FPR1: variants seen among roughly 807,000 people sequenced by gnomAD.
FPR1 encodes N-formyl peptide receptor 1.
For synonymous variants in FPR1, 193 were observed against 176.7 expected, an observed-to-expected ratio of 1.09 and a Z score of -0.73; for missense variants, 407 against 453.0, an observed-to-expected ratio of 0.90 and a Z score of 0.92.
rs770689978 is a variant in FPR1, at chr19:51,745,919, G to GA, written c.*22dup. 46 of 1,586,970 alleles carry GA rather than the reference G, an allele frequency of 2.9e-5. No homozygotes were observed. The highest frequency in any genetic ancestry group is 4.0e-5 in the Non-Finnish European group (46 of 1,158,624). On this transcript the variant is annotated 3_prime_UTR_variant, in exon 2 of 2. Coordinates refer to ENST00000304748, the MANE Select transcript of FPR1 (RefSeq NM_002029.4). ...GAGACGAAGCTGGAGCTGGGAGCTC[G>GA]AAAGTGTCCCCCAGCTCCCTCCTCA...
At chr19:51,747,074 C>A in intron 1 of FPR1, 69 bp from the exon 2 acceptor site, 1 of 1,184,976 alleles carries the variant, frequency 8.4e-7, no homozygotes, top group East Asian at 2.6e-5. Flanking sequence ...CCCCTCATTT[C>A]TGCCCCTGCC....
At position 51,745,780 on chromosome 19, in the gene FPR1, A is replaced by G. The variant is rs185187479; in HGVS notation, c.*162T>C. 40 of 636,446 alleles carry G rather than the reference A, an allele frequency of 6.3e-5. No individual in the cohort carries two copies. In the Middle Eastern group the frequency reaches 1.3e-3, roughly 21 times the overall value. The allele number at this position is 636,446 out of a possible 1,614,324, so 39.4% of individuals were successfully genotyped here. A position where few individuals can be genotyped will look rare whatever the true frequency, so the allele number is the denominator to read the frequency against. ...CAAAAAAGAAGTCAATAATAAACTCATATCTGTTTATTCTCCCCAAATCAG... is the reference window on the plus strand; with the variant it reads ...CAAAAAAGAAGTCAATAATAAACTCGTATCTGTTTATTCTCCCCAAATCAG... On this transcript the variant is annotated 3_prime_UTR_variant, in exon 2 of 2. Coordinates refer to ENST00000304748, the MANE Select transcript of FPR1 (RefSeq NM_002029.4).
rs768642242 is a variant in FPR1 at position 51,746,698 on chromosome 19, T to A, written c.297A>T (p.Lys99Asn). ...GHWPFGWFLCKFVFTIVDINL... is the reference protein window; with the variant it reads ...GHWPFGWFLCNFVFTIVDINL... ...TGATGTCCACTATGGTAAAGACGAATTTGCACAGGAACCAGCCGAAAGGCC... is the reference window on the plus strand; with the variant it reads ...TGATGTCCACTATGGTAAAGACGAAATTGCACAGGAACCAGCCGAAAGGCC... Residue 99 changes from lysine (K) to asparagine (N), a missense_variant, in exon 2 of 2, where the codon AAA (lysine) becomes AAT (asparagine). By Grantham distance (94) the Lys-to-Asn change is moderately conservative (BLOSUM62 0). Coordinates refer to ENST00000304748, the MANE Select transcript of FPR1 (RefSeq NM_002029.4). This position sits in a 1 kb window ranked among gnomAD's most constrained non-coding sequence, Gnocchi z 4.3. 6.2e-7 allele frequency: 1 copy of A among 1,614,038 alleles called. No individual in the cohort carries two copies. The highest frequency in any genetic ancestry group is 8.5e-7 in the Non-Finnish European group (1 of 1,180,010).
In FPR1 at chr19:51,746,990, T is replaced by C; in HGVS notation, c.5A>G (p.Glu2Gly). 1 of 1,608,370 alleles carries C rather than the reference T, an allele frequency of 6.2e-7. No homozygotes were observed. The highest frequency in any genetic ancestry group is 8.5e-7 in the Non-Finnish European group (1 of 1,175,916). M[E>G]TNSSLPTNIS... The stretch of plus-strand genomic sequence containing the variant: ...GTTCGTGGGGAGAGAGGAATTTGTC[T>C]CCATCTTGTCTGCTCCTGAAATAGT... The change falls in exon 2 of 2, where the codon GAG becomes GGG. Residue 2 changes from glutamate (E) to glycine (G), a missense_variant. By Grantham distance (98) the Glu-to-Gly change is moderately conservative (BLOSUM62 -2). Transcript: ENST00000304748. The surrounding 1 kb of genome is among the most constrained non-coding windows in gnomAD (Gnocchi z 4.3).
intron 1 of FPR1, among the ~76,000 whole-genome samples, chr19:51,748,052 G>C (rs1244723524): frequency 6.6e-6 from 1 of 152,144 alleles, no homozygotes; most frequent in Non-Finnish European, 1.5e-5. Context: ...ACTCAGAAGG[G>C]TGAGATGGGA....
At chr19:51,748,938 C>A (rs936656527) in intron 1 of FPR1, among the ~76,000 whole-genome samples, 1 of 152,116 alleles carries the variant, frequency 6.6e-6, no homozygotes, top group African/African-American at 2.4e-5. Context: ...ACTTCTCAGC[C>A]AGGCGCAGTG....
intron 1 of FPR1, among the ~76,000 whole-genome samples, chr19:51,748,002 A>T (rs1752774972): frequency 6.6e-6 from 1 of 152,038 alleles, no homozygotes; most frequent in African/African-American, 2.4e-5. Context: ...AATTAAATTA[A>T]ATTAGCTGGA....
intron 1 of FPR1, among the ~76,000 whole-genome samples, chr19:51,747,507 C>T (rs1240296834): frequency 2.0e-5 from 3 of 152,106 alleles, no homozygotes; most frequent in Middle Eastern, 3.2e-3. Flanking sequence ...CGTGAGCTAC[C>T]ACGTGTGGCC....
At position 51,751,833 on chromosome 19, in the gene FPR1, T is replaced by C. The variant is rs2083783101; in HGVS notation, c.-31A>G. On this transcript the variant is annotated 5_prime_UTR_variant, in exon 1 of 2. Coordinates refer to ENST00000304748, the MANE Select transcript of FPR1 (RefSeq NM_002029.4). ...TCTTACCTGGACTGTTCACCAGCTG[T>C]GGTCTTGCTCTGGGTAGTTCTAGGT... is the stretch of plus-strand genomic sequence containing the variant. The C allele has an allele frequency of 6.6e-6, 1 of 152,330 alleles. No individual in the cohort carries two copies. Among genetic ancestry groups the C allele is most frequent in the African/African-American group, 2.4e-5 (1 of 41,466 alleles). The allele number at this position is 152,330 out of a possible 1,614,324, so 9.4% of individuals were successfully genotyped here. A position where few individuals can be genotyped will look rare whatever the true frequency, so the allele number is the denominator to read the frequency against.
chr19:51,745,973 G>C lies in FPR1; in HGVS notation c.1022C>G (p.Pro341Arg). 1 of 1,613,506 alleles carries C rather than the reference G, an allele frequency of 6.2e-7. No individual in the cohort carries two copies. Among genetic ancestry groups the C allele is most frequent in the Non-Finnish European group, 8.5e-7 (1 of 1,179,456 alleles). ...TSDTATNSTL[P>R]SAEVELQAK is the part of the protein sequence containing the mutation. ...TGCCTGTAACTCCACCTCTGCAGAA[G>C]GTAAAGTAGAATTGGTAGCTGTGTC... The change falls in exon 2 of 2, where the codon CCT becomes CGT. Residue 341 changes from proline (P) to arginine (R), a missense_variant. By Grantham distance (103) the Pro-to-Arg change is moderately radical. Coordinates refer to ENST00000304748, the MANE Select transcript of FPR1 (RefSeq NM_002029.4).
Position 51,746,112 on chromosome 19 carries a change from A to G in FPR1, c.883T>C (p.Cys295Arg), listed in dbSNP as rs756329691. 6.2e-7 allele frequency: 1 copy of G among 1,614,218 alleles called. No individual in the cohort carries two copies. Among genetic ancestry groups the G allele is most frequent in the South Asian group, 1.1e-5 (1 of 91,088 alleles). Residue 295 changes from cysteine (C) to arginine (R), a missense_variant, in exon 2 of 2, where the codon TGC (cysteine) becomes CGC (arginine). Cys to Arg is a radical substitution (Grantham distance 180). Coordinates refer to ENST00000304748, the MANE Select transcript of FPR1 (RefSeq NM_002029.4). This position sits in a 1 kb window ranked among gnomAD's most constrained non-coding sequence, Gnocchi z 4.3. ...AAGACATAGAGCATGGGGTTGAGGC[A>G]GCTGTTGAAGAAGGCCAGGGCACTT... The part of the protein sequence containing the change: ...VTSALAFFNS[C>R]LNPMLYVFMG...
At chr19:51,748,063 G>T (rs1262287506) in intron 1 of FPR1, among the ~76,000 whole-genome samples, 1 of 152,166 alleles carries the variant, frequency 6.6e-6, no homozygotes, top group Non-Finnish European at 1.5e-5. Flanking sequence ...TGAGATGGGA[G>T]GCTCACTTGA....
intron 1 of FPR1, 39 bp from the exon 2 acceptor site, chr19:51,747,044 C>A (rs769158457): frequency 2.0e-5 from 28 of 1,406,864 alleles, no homozygotes; most frequent in Non-Finnish European, 2.6e-5. Flanking sequence ...CAGTTATGAA[C>A]CTCCGTACCA....
rs753486789 is a variant in FPR1 at position 51,746,903 on chromosome 19, A to AGATAAGT, written c.85_91dup (p.Leu31HisfsTer43). The AGATAAGT allele has an allele frequency of 1.2e-6, 2 of 1,614,060 alleles. No individual in the cohort carries two copies. The highest frequency in any genetic ancestry group is 2.7e-5 in the African/African-American group (2 of 74,908). On this transcript the variant is annotated frameshift_variant, in exon 2 of 2. Transcript: ENST00000304748. LOFTEE classifies it low-confidence loss of function (END_TRUNC). The surrounding 1 kb of genome is among the most constrained non-coding windows in gnomAD (Gnocchi z 4.3). Reference sequence around the variant, plus strand: ...GAGGACAAAGGTGACTGCAAATACCAGATAAGTGATGATATCCAGGAAGAG... The same window carrying AGATAAGT: ...GAGGACAAAGGTGACTGCAAATACCAGATAAGTGATAAGTGATGATATCCAGGAAGAG...
intron 1 of FPR1, among the ~76,000 whole-genome samples, chr19:51,751,114 C>T (rs2083778206): frequency 6.6e-6 from 1 of 152,202 alleles, no homozygotes; most frequent in Admixed American, 6.5e-5. Flanking sequence ...CTCAAGCCCT[C>T]AAGCTGATGC....
chr19:51,749,361 G>A (rs140279785), intron 1 of FPR1, among the ~76,000 whole-genome samples: 27 of 152,242 alleles, frequency 1.8e-4, no homozygotes, highest in African/African-American at 3.4e-4. Flanking sequence ...AAATGGATCC[G>A]TGAGTGATAC....
In FPR1 at chr19:51,746,363, C is replaced by G. The variant is rs2083744792; in HGVS notation, c.632G>C (p.Ser211Thr). Residue 211 changes from serine (S) to threonine (T), a missense_variant, in exon 2 of 2, where the codon AGC becomes ACC. Physicochemically the swap from Ser to Thr is moderately conservative, Grantham distance 58. Transcript: ENST00000304748. This position sits in a 1 kb window ranked among gnomAD's most constrained non-coding sequence, Gnocchi z 4.3. ...GACAGCAACGATGGACATGGGTGCG[C>G]TGAAGCCAATGATGAACCGGATGAT... is the stretch of plus-strand genomic sequence containing the variant. ...RGIIRFIIGF[S>T]APMSIVAVSY... 1 of 1,614,204 alleles carries G rather than the reference C, an allele frequency of 6.2e-7. No individual in the cohort carries two copies. Among genetic ancestry groups the G allele is most frequent in the East Asian group, 2.2e-5 (1 of 44,886 alleles).
At chr19:51,747,307 C>G (rs890295452) in intron 1 of FPR1, among the ~76,000 whole-genome samples, 1 of 151,824 alleles carries the variant, frequency 6.6e-6, no homozygotes, top group Non-Finnish European at 1.5e-5. Flanking sequence ...CCTCCACCTC[C>G]CGGGTTCAAG....
In FPR1 at chr19:51,746,221, C is replaced by T. The variant is rs947852793; in HGVS notation, c.774G>A (p.Gln258=). The part of the protein sequence containing the change: ...AAFFLCWSPY[Q]VVALIATVRI... ...TGACTGTGGCTATAAGGGCCACCAC[C>T]TGATATGGGGACCAGCAGAGAAAAA... The change falls in exon 2 of 2, where the codon CAG becomes CAA. Residue 258 remains glutamine, a synonymous_variant. Coordinates refer to ENST00000304748, the MANE Select transcript of FPR1 (RefSeq NM_002029.4). The surrounding 1 kb of genome is among the most constrained non-coding windows in gnomAD (Gnocchi z 4.3). 1 of 1,614,156 alleles carries T rather than the reference C, an allele frequency of 6.2e-7. No homozygotes were observed. Among genetic ancestry groups the T allele is most frequent in the African/African-American group, 1.3e-5 (1 of 75,034 alleles).
Sources: allele counts gnomAD v4.1 joint callset (sites outside exome capture counted in the v4.1 genomes callset), GRCh38; gene constraint gnomAD v4.1.1; non-coding constraint Gnocchi (gnomAD v3.1); transcripts MANE v1.5; gene names NCBI Gene and HGNC (gene_info 2026-07-23, HGNC 2026-07-21).